The following HMGN4 variants were observed in gnomAD, a reference collection of about 807,000 sequenced individuals.
The protein encoded by HMGN4 is high mobility group nucleosomal binding domain 4, also known as high mobility group nucleosome-binding domain-containing protein 4.
For synonymous variants in HMGN4, 39 were observed against 39.1 expected (o/e 1.00, Z 0.01); for missense variants, 69 against 104.9 (o/e 0.66, Z 1.49).
At chr6:26,539,826 C>A (rs2113580862) in intron 1 of HMGN4, 1 of 152,156 alleles carries the variant, frequency 6.6e-6, no homozygotes, top group Non-Finnish European at 1.5e-5. Flanking sequence ...GTTAGCAAGA[C>A]AATAAACTTG....
At chr6:26,544,213 A>G (rs1764322798) in intron 1 of HMGN4, among the ~76,000 whole-genome samples, 1 of 151,180 alleles carries the variant, frequency 6.6e-6, no homozygotes, top group Non-Finnish European at 1.5e-5. Context: ...CCCTTTCCCA[A>G]CTCCCAAGAG....
chr6:26,540,358 C>T lies in HMGN4; in HGVS notation c.-81+1857C>T, dbSNP rs575399988. 6.0e-5 allele frequency among the ~76,000 whole-genome samples: 9 copies of T among 150,334 alleles called. No individual in the cohort carries two copies. In the South Asian group the frequency reaches 1.1e-3, roughly 18 times the overall value. ...TTTTTTTTTCTTTTTTTTTTGAGAC[C>T]GGGTCTTGCTCTGTCACCCAGGCTG... is the stretch of plus-strand genomic sequence containing the variant. On this transcript the variant is annotated intron_variant, in intron 1 of 1. Transcript: ENST00000377575.
At chr6:26,541,857 G>T (rs555910546) in intron 1 of HMGN4, among the ~76,000 whole-genome samples, 1 of 152,162 alleles carries the variant, frequency 6.6e-6, no homozygotes, top group Non-Finnish European at 1.5e-5. Context: ...CAATGAAGAC[G>T]AGTGATTCAA....
At position 26,538,494 on chromosome 6, in the gene HMGN4, A is replaced by C. The variant is rs374275261; in HGVS notation, c.-88A>C. ...TTCCCGCGCCCCTCGGACGGCCACGAGACTCGGGTAAGTGCCTCACAGACT... is the reference window on the plus strand; with the variant it reads ...TTCCCGCGCCCCTCGGACGGCCACGCGACTCGGGTAAGTGCCTCACAGACT... On this transcript the variant is annotated 5_prime_UTR_variant, in exon 1 of 2. Transcript: ENST00000377575. 1 of 152,444 alleles carries C rather than the reference A, an allele frequency of 6.6e-6. No homozygotes were observed. The highest frequency in any genetic ancestry group is 6.5e-5 in the Admixed American group (1 of 15,274). The allele number at this position is 152,444 out of a possible 1,614,324, so 9.4% of individuals were successfully genotyped here.
At chr6:26,539,350 T>G (rs529690222) in intron 1 of HMGN4, among the ~76,000 whole-genome samples, 1 of 152,302 alleles carries the variant, frequency 6.6e-6, no homozygotes, top group South Asian at 2.1e-4. Flanking sequence ...TGGTGCGATC[T>G]CGCTCACTGC....
At chr6:26,538,702 C>T (rs1285482160) in intron 1 of HMGN4, among the ~76,000 whole-genome samples, 1 of 152,214 alleles carries the variant, frequency 6.6e-6, no homozygotes, top group Non-Finnish European at 1.5e-5. Flanking sequence ...GTGTGAATCC[C>T]TGGGAAAAGC....
rs1764302775 is a variant in HMGN4, at chr6:26,542,765, C to G, written c.-80-2362C>G. Among the ~76,000 whole-genome samples the G allele has an allele frequency of 6.6e-6, 1 of 152,218 alleles. No individual in the cohort carries two copies. Among genetic ancestry groups the G allele is most frequent in the South Asian group, 2.1e-4 (1 of 4,834 alleles). On this transcript the variant is annotated intron_variant, in intron 1 of 1. Transcript: ENST00000377575. The surrounding 1 kb of genome is among the most constrained non-coding windows in gnomAD (Gnocchi z 4.6). ...AAATCCGTATTTATATACTCAGATA[C>G]AGCATCCAGGCAGTGGCCTATTTTT... is the stretch of plus-strand genomic sequence containing the variant.
chr6:26,543,755 T>G (rs1764315824), intron 1 of HMGN4, among the ~76,000 whole-genome samples: 1 of 105,778 alleles, frequency 9.5e-6, no homozygotes, highest in African/African-American at 3.7e-5. Context: ...AACGAGACTC[T>G]GAGACTCTAT....
rs1764246055 is a variant in HMGN4 at position 26,538,479 on chromosome 6, C to T, written c.-103C>T. 6.6e-6 allele frequency: 1 copy of T among 152,380 alleles called. No homozygotes were observed. Among genetic ancestry groups the T allele is most frequent in the Non-Finnish European group, 1.5e-5 (1 of 68,178 alleles). The allele number at this position is 152,380 out of a possible 1,614,324, so 9.4% of individuals were successfully genotyped here. On this transcript the variant is annotated 5_prime_UTR_variant, in exon 1 of 2. Transcript: ENST00000377575. ...GGGCCTCAGCTGGGATTCCCGCGCC[C>T]CTCGGACGGCCACGAGACTCGGGTA...
rs961558148 is a variant in HMGN4 at position 26,545,126 on chromosome 6, G to A, written c.-80-1G>A. ...TTTACGCTTTTTGTGTCTTGTTAAAGACATCTTTCCAGGAACAGCGTGAGG... is the reference window on the plus strand; with the variant it reads ...TTTACGCTTTTTGTGTCTTGTTAAAAACATCTTTCCAGGAACAGCGTGAGG... On this transcript the variant is annotated splice_acceptor_variant, in intron 1 of 1. Coordinates refer to ENST00000377575, the MANE Select transcript of HMGN4 (RefSeq NM_006353.3). LOFTEE classifies it low-confidence loss of function (5UTR_SPLICE). The A allele has an allele frequency of 4.0e-6, 5 of 1,237,418 alleles. No homozygotes were observed. Among genetic ancestry groups the A allele is most frequent in the Non-Finnish European group, 5.4e-6 (5 of 919,592 alleles). The allele number at this position is 1,237,418 out of a possible 1,614,324, so 76.7% of individuals were successfully genotyped here. A position where few individuals can be genotyped will look rare whatever the true frequency, so the allele number is the denominator to read the frequency against.
In HMGN4 at chr6:26,545,464, T is replaced by C; in HGVS notation, c.258T>C (p.Thr86=). 2 of 1,562,834 alleles carry C rather than the reference T, an allele frequency of 1.3e-6. No homozygotes were observed. Among genetic ancestry groups the C allele is most frequent in the Non-Finnish European group, 1.7e-6 (2 of 1,157,540 alleles). ...STLQSQKAEG[T]GDAK Reference sequence around the variant, plus strand: ...TCCAGTCCCAGAAAGCGGAAGGCACTGGGGATGCCAAGTGAAATGTACATT... The same window carrying C: ...TCCAGTCCCAGAAAGCGGAAGGCACCGGGGATGCCAAGTGAAATGTACATT... The change falls in exon 2 of 2, where the codon ACT becomes ACC. Residue 86 remains threonine (T), a synonymous_variant. Coordinates refer to ENST00000377575, the MANE Select transcript of HMGN4 (RefSeq NM_006353.3).
At chr6:26,539,634 T>TAAAAAAAAAAAAAAAA (rs61003052) in intron 1 of HMGN4, among the ~76,000 whole-genome samples, 1 of 125,194 alleles carries the variant, frequency 8.0e-6, no homozygotes, top group Non-Finnish European at 1.6e-5. Context: ...TCCGCAAAAT[T>TAAAAAAAAAAAAAAAA]AAAAAAAAAA....
In HMGN4 at chr6:26,545,621, T is replaced by C. The variant is rs2113585368; in HGVS notation, c.*142T>C. The C allele has an allele frequency of 1.6e-6, 1 of 633,582 alleles. No individual in the cohort carries two copies. Among genetic ancestry groups the C allele is most frequent in the East Asian group, 3.3e-5 (1 of 30,562 alleles). The allele number at this position is 633,582 out of a possible 1,614,324, so 39.2% of individuals were successfully genotyped here. On this transcript the variant is annotated 3_prime_UTR_variant, in exon 2 of 2. Transcript: ENST00000377575. ...CACACAGGACACTTCCTTGTTGTCTTTTGTGGAAAGGGCAAGTACCACTAA... is the reference window on the plus strand; with the variant it reads ...CACACAGGACACTTCCTTGTTGTCTCTTGTGGAAAGGGCAAGTACCACTAA...
In HMGN4 at chr6:26,542,148, A is replaced by C. The variant is rs1764293427; in HGVS notation, c.-80-2979A>C. Among the ~76,000 whole-genome samples the C allele has an allele frequency of 6.6e-6, 1 of 152,040 alleles. No individual in the cohort carries two copies. Among genetic ancestry groups the C allele is most frequent in the Non-Finnish European group, 1.5e-5 (1 of 68,002 alleles). On this transcript the variant is annotated intron_variant, in intron 1 of 1. Transcript: ENST00000377575. This position sits in a 1 kb window ranked among gnomAD's most constrained non-coding sequence, Gnocchi z 4.6. ...AAGGAGTATTTGTAATGACTTTTAT[A>C]TTTTATCATTAACATTATTTTTTTG...
At chr6:26,539,284 T>A (rs1561894357) in intron 1 of HMGN4, among the ~76,000 whole-genome samples, 1 of 152,130 alleles carries the variant, frequency 6.6e-6, no homozygotes, top group Non-Finnish European at 1.5e-5. Flanking sequence ...TGTGTTTGTT[T>A]TTGTTTGTTT....
Position 26,546,667 on chromosome 6 carries a change from T to TCATA in HMGN4, c.*1190_*1191insTACA, listed in dbSNP as rs1330206692. On this transcript the variant is annotated 3_prime_UTR_variant, in exon 2 of 2. Coordinates refer to ENST00000377575, the MANE Select transcript of HMGN4 (RefSeq NM_006353.3). ...ACCAATTTCACCTCTGTCTCCAGTATCACCACAAAATTGTTCTTCCTTGGA... is the reference window on the plus strand; with the variant it reads ...ACCAATTTCACCTCTGTCTCCAGTATCATACACCACAAAATTGTTCTTCCTTGGA... 6.6e-6 allele frequency among the ~76,000 whole-genome samples: 1 copy of TCATA among 152,236 alleles called. No homozygotes were observed. Among genetic ancestry groups the TCATA allele is most frequent in the African/African-American group, 2.4e-5 (1 of 41,464 alleles).
intron 1 of HMGN4, among the ~76,000 whole-genome samples, chr6:26,543,086 A>C (rs1764306122): frequency 6.6e-6 from 1 of 152,180 alleles, no homozygotes; most frequent in Non-Finnish European, 1.5e-5. Flanking sequence ...ATATATGCAG[A>C]ATATTTGGGG....
Position 26,546,405 on chromosome 6 carries a change from C to T in HMGN4, c.*926C>T, listed in dbSNP as rs960075253. 1.3e-5 allele frequency among the ~76,000 whole-genome samples: 2 copies of T among 152,148 alleles called. No homozygotes were observed. The highest frequency in any genetic ancestry group is 2.4e-5 in the African/African-American group (1 of 41,428). Reference sequence around the variant, plus strand: ...AATTCAACTTAACATTTTTCATATTCGAAGTGGTTGTCTCTGCACTATTTA... The same window carrying T: ...AATTCAACTTAACATTTTTCATATTTGAAGTGGTTGTCTCTGCACTATTTA... On this transcript the variant is annotated 3_prime_UTR_variant, in exon 2 of 2. Transcript: ENST00000377575.
At chr6:26,541,472 T>G (rs1287057384) in intron 1 of HMGN4, among the ~76,000 whole-genome samples, 1 of 152,202 alleles carries the variant, frequency 6.6e-6, no homozygotes, top group African/African-American at 2.4e-5. Flanking sequence ...GATCAAGATG[T>G]CGGCAGGTTT....
Sources: gnomAD v4.1 joint callset for allele counts (sites outside exome capture counted in the v4.1 genomes callset) on GRCh38, gnomAD v4.1.1 for gene constraint, Gnocchi (gnomAD v3.1) non-coding constraint, MANE v1.5 for transcripts, NCBI Gene and HGNC (gene_info 2026-07-23, HGNC 2026-07-21) for gene names.